The following EFNA5 variants were observed in gnomAD, a reference collection of about 807,000 sequenced individuals.
EFNA5 encodes the protein ephrin-A5.
EFNA5 carries 5 observed loss-of-function variants against 22.9 expected under a neutral mutation model. The ratio of observed to expected loss-of-function variants is 0.22; its 90% CI spans 0.11 to 0.46. The LOEUF (loss-of-function observed/expected upper bound fraction) is 0.46, where lower values mean the gene tolerates loss of function less well. Ranked by LOEUF, EFNA5 falls within the 20% of genes least tolerant of loss-of-function variation. The pLI is 0.99. For synonymous variants in EFNA5, 113 were observed against 112.2 expected (o/e 1.01, Z -0.04); for missense variants, 237 against 293.3 (o/e 0.81, Z 1.40).
intron 1 of EFNA5, among the ~76,000 whole-genome samples, chr5:107,457,930 T>C (rs1333492830): frequency 1.3e-5 from 2 of 152,188 alleles, no homozygotes; most frequent in Non-Finnish European, 2.9e-5. Flanking sequence ...GGTGTTGTTA[T>C]TTTCATTTTG....
At chr5:107,515,846 G>A (rs1747462879) in intron 1 of EFNA5, among the ~76,000 whole-genome samples, 1 of 152,170 alleles carries the variant, frequency 6.6e-6, no homozygotes, top group Non-Finnish European at 1.5e-5. Flanking sequence ...GTACACAGGA[G>A]AATCCAAGCC....
At chr5:107,562,144 G>A (rs1239749651) in intron 1 of EFNA5, among the ~76,000 whole-genome samples, 1 of 152,152 alleles carries the variant, frequency 6.6e-6, no homozygotes, top group African/African-American at 2.4e-5. Context: ...TTTGAGCTCA[G>A]CAATGTTGTT....
chr5:107,511,441 T>C (rs553118628), intron 1 of EFNA5, among the ~76,000 whole-genome samples: 8 of 152,300 alleles, frequency 5.3e-5, no homozygotes, highest in South Asian at 2.1e-4. Context: ...TGATAGAATA[T>C]AGTAGTAGTG....
At chr5:107,636,357 C>G (rs1750373684) in intron 1 of EFNA5, among the ~76,000 whole-genome samples, 1 of 152,298 alleles carries the variant, frequency 6.6e-6, no homozygotes, top group South Asian at 2.1e-4. Flanking sequence ...GGATGGCGAA[C>G]AGAATTTAAT....
intron 1 of EFNA5, among the ~76,000 whole-genome samples, chr5:107,435,927 A>T (rs1192754007): frequency 6.6e-6 from 1 of 152,228 alleles, no homozygotes; most frequent in African/African-American, 2.4e-5. Flanking sequence ...ATAAGAAGAC[A>T]TCATTTTCTT....
At chr5:107,505,409 C>T (rs1747232194) in intron 1 of EFNA5, among the ~76,000 whole-genome samples, 2 of 152,160 alleles carry the variant, frequency 1.3e-5, no homozygotes, top group South Asian at 4.1e-4. Flanking sequence ...TGCAACAAAT[C>T]TGCAAACATT....
chr5:107,387,535 T>A (rs1177915952), intron 3 of EFNA5, among the ~76,000 whole-genome samples, 171 bp downstream of exon 3: 1 of 152,150 alleles, frequency 6.6e-6, no homozygotes, highest in African/African-American at 2.4e-5. Context: ...AGTAAAAGCA[T>A]CATGAAGAAT....
At chr5:107,526,036 G>A (rs1456724677) in intron 1 of EFNA5, among the ~76,000 whole-genome samples, 1 of 152,070 alleles carries the variant, frequency 6.6e-6, no homozygotes, top group Admixed American at 6.6e-5. Context: ...AATCAGAATT[G>A]CCCGCAAAGG....
intron 1 of EFNA5, among the ~76,000 whole-genome samples, chr5:107,654,759 T>C (rs867489746): frequency 5.3e-5 from 8 of 151,998 alleles, no homozygotes; most frequent in Admixed American, 2.0e-4. Context: ...CAAAGAGAAA[T>C]AGAGATAATT....
chr5:107,503,812 A>C (rs1205379137), intron 1 of EFNA5, among the ~76,000 whole-genome samples: 1 of 152,220 alleles, frequency 6.6e-6, no homozygotes, highest in Admixed American at 6.5e-5. Context: ...AAGGCCATTA[A>C]AAAATTAAAA....
chr5:107,508,811 G>A (rs1221209534), intron 1 of EFNA5, among the ~76,000 whole-genome samples: 2 of 152,128 alleles, frequency 1.3e-5, no homozygotes, highest in Non-Finnish European at 2.9e-5. Context: ...ACTTAAAGGT[G>A]TTTCAATAAT....
At chr5:107,507,487 T>A (rs938721357) in intron 1 of EFNA5, among the ~76,000 whole-genome samples, 2 of 152,204 alleles carry the variant, frequency 1.3e-5, no homozygotes, top group Non-Finnish European at 2.9e-5. Context: ...TAGCAGCCTA[T>A]ATTAATTAAG....
chr5:107,651,644 G>A (rs1436775895), intron 1 of EFNA5, among the ~76,000 whole-genome samples: 2 of 140,210 alleles, frequency 1.4e-5, no homozygotes, highest in African/African-American at 5.4e-5. Context: ...TTTCGCTAAT[G>A]ATTTTTGTGA....
chr5:107,627,456 A>C (rs1217392622), intron 1 of EFNA5, among the ~76,000 whole-genome samples: 1 of 152,142 alleles, frequency 6.6e-6, no homozygotes, highest in East Asian at 1.9e-4. Flanking sequence ...ATTTAAGATA[A>C]GAATACAATA....
At chr5:107,468,703 A>C (rs530816623) in intron 1 of EFNA5, among the ~76,000 whole-genome samples, 1 of 152,100 alleles carries the variant, frequency 6.6e-6, no homozygotes, top group South Asian at 2.1e-4. Context: ...TTACATTAAA[A>C]CTCATGAAAT....
chr5:107,643,246 A>G (rs865906937), intron 1 of EFNA5, among the ~76,000 whole-genome samples: 1 of 152,162 alleles, frequency 6.6e-6, no homozygotes, highest in South Asian at 2.1e-4. Context: ...GGGTCCCATC[A>G]TAGGGGTTCT....
At chr5:107,402,373 G>A (rs1748109313) in intron 2 of EFNA5, among the ~76,000 whole-genome samples, 1 of 152,210 alleles carries the variant, frequency 6.6e-6, no homozygotes, top group Non-Finnish European at 1.5e-5. Context: ...ACAAAATCAT[G>A]CAGGTAAATA....
intron 1 of EFNA5, among the ~76,000 whole-genome samples, chr5:107,594,607 CCT>C (rs1044014039): frequency 6.6e-6 from 1 of 152,114 alleles, no homozygotes; most frequent in African/African-American, 2.4e-5. Flanking sequence ...CCAGTAATCC[CCT>C]ATCATCAAAT....
intron 1 of EFNA5, among the ~76,000 whole-genome samples, chr5:107,513,271 A>T (rs1747410562): frequency 6.6e-6 from 1 of 152,168 alleles, no homozygotes; most frequent in African/African-American, 2.4e-5. Context: ...GGAGAGAGAG[A>T]GAGAGAGACT....
Sources: allele counts gnomAD v4.1 joint callset (sites outside exome capture counted in the v4.1 genomes callset), GRCh38; gene constraint gnomAD v4.1.1; transcripts MANE v1.5; gene names NCBI Gene and HGNC (gene_info 2026-07-23, HGNC 2026-07-21).